RPS6KB1: variants seen among roughly 807,000 people sequenced by gnomAD.
The protein encoded by RPS6KB1 is ribosomal protein S6 kinase beta-1.
Under a neutral mutation model 70.2 loss-of-function variants are expected in RPS6KB1, and 12 were observed. The observed-to-expected ratio is 0.17, with a 90% CI of 0.11 to 0.28. The LOEUF is 0.28. Ranked by LOEUF, RPS6KB1 falls within the 10% of genes least tolerant of loss-of-function variation. The probability of loss-of-function intolerance (pLI) is 1.00; values close to 1 mark genes in which losing one functional copy is unlikely to be tolerated. For missense variants in RPS6KB1, 270 were observed against 646.6 expected, an observed-to-expected ratio of 0.42 and a Z score of 6.32; for synonymous variants, 175 against 211.2, an observed-to-expected ratio of 0.83 and a Z score of 1.49.
chr17:59,912,831 T>A (rs373723226), intron 3 of RPS6KB1, 27 bp downstream of exon 3: 136 of 1,611,908 alleles, frequency 8.4e-5, no homozygotes, highest in Non-Finnish European at 1.1e-4. Flanking sequence ...AAATGAGAGC[T>A]GTTGTCTGTC....
intron 2 of RPS6KB1, among the ~76,000 whole-genome samples, chr17:59,911,353 T>C (rs2042621073): frequency 6.6e-6 from 1 of 151,898 alleles, no homozygotes; most frequent in Non-Finnish European, 1.5e-5. Flanking sequence ...GCTACCCCTT[T>C]TGGATTCTTT....
intron 12 of RPS6KB1, 93 bp from the exon 13 acceptor site, chr17:59,940,743 C>G (rs2044528336): frequency 4.5e-6 from 3 of 667,522 alleles, no homozygotes; most frequent in Non-Finnish European, 7.5e-6. Context: ...TTATAGTTAA[C>G]CCCCGTGAAA....
At chr17:59,908,737 G>C (rs1200910236) in intron 1 of RPS6KB1, among the ~76,000 whole-genome samples, 1 of 133,280 alleles carries the variant, frequency 7.5e-6, no homozygotes, top group East Asian at 2.3e-4. Context: ...TCCTGCCTCA[G>C]CCTCCCGAGT....
intron 1 of RPS6KB1, among the ~76,000 whole-genome samples, chr17:59,902,005 C>A (rs1288712939): frequency 7.3e-6 from 1 of 137,566 alleles, no homozygotes; most frequent in Non-Finnish European, 1.5e-5. Flanking sequence ...GAATGAGAAC[C>A]TGTCTCTAAA....
At chr17:59,940,076 C>T (rs1164119825) in intron 12 of RPS6KB1, among the ~76,000 whole-genome samples, 1 of 152,028 alleles carries the variant, frequency 6.6e-6, no homozygotes. Context: ...GAAACTTTAA[C>T]TGGAGCATCT....
intron 1 of RPS6KB1, among the ~76,000 whole-genome samples, chr17:59,904,321 C>T (rs1013449683): frequency 1.3e-5 from 2 of 151,402 alleles, no homozygotes; most frequent in African/African-American, 2.4e-5. Flanking sequence ...CCTCATGATC[C>T]GCCCTCCTTG....
chr17:59,899,097 G>A (rs1041569346), intron 1 of RPS6KB1, among the ~76,000 whole-genome samples: 6 of 151,696 alleles, frequency 4.0e-5, no homozygotes, highest in African/African-American at 1.5e-4. Context: ...CCAGCTACTC[G>A]GGAGGCTGAG....
chr17:59,900,169 TAAAC>T (rs1272523523), intron 1 of RPS6KB1, among the ~76,000 whole-genome samples: 20 of 57,458 alleles, frequency 3.5e-4, no homozygotes, highest in African/African-American at 1.1e-3. Context: ...ACCTAATTGC[TAAAC>T]ACACACACAC....
At chr17:59,916,566 C>T (rs538060301) in intron 4 of RPS6KB1, among the ~76,000 whole-genome samples, 1 of 152,300 alleles carries the variant, frequency 6.6e-6, no homozygotes, top group African/African-American at 2.4e-5. Context: ...TTTGATCAGG[C>T]TTATAAGATA....
intron 4 of RPS6KB1, among the ~76,000 whole-genome samples, chr17:59,926,168 T>C (rs1290626288): frequency 2.0e-5 from 3 of 152,208 alleles, no homozygotes; most frequent in Non-Finnish European, 2.9e-5. Flanking sequence ...TTTGTGAATA[T>C]ATGAATAAAC....
chr17:59,903,937 G>A (rs555705574), intron 1 of RPS6KB1, among the ~76,000 whole-genome samples: 98 of 152,024 alleles, frequency 6.4e-4, no homozygotes, highest in African/African-American at 2.3e-3. Flanking sequence ...TTAGAGATGA[G>A]ATCTCACTTT....
intron 5 of RPS6KB1, among the ~76,000 whole-genome samples, chr17:59,928,285 C>T (rs1337016860): frequency 4.6e-5 from 7 of 152,058 alleles, no homozygotes; most frequent in Non-Finnish European, 7.4e-5. Flanking sequence ...TACATATATA[C>T]ATGCATGCAT....
chr17:59,909,751 C>G (rs1008041359), intron 1 of RPS6KB1, among the ~76,000 whole-genome samples: 23 of 151,818 alleles, frequency 1.5e-4, no homozygotes, highest in African/African-American at 5.3e-4. Flanking sequence ...TGTTGACTCA[C>G]GCCTGTAATC....
At position 59,949,885 on chromosome 17, in the gene RPS6KB1, AT is replaced by A. The variant is rs1197289130; in HGVS notation, c.*3101del. ...GGATTATATATTTAATATAGGACCT[AT>A]TTTGAATATTCAGTTAATCATATGG... On this transcript the variant is annotated 3_prime_UTR_variant, in exon 15 of 15. Transcript: ENST00000225577. 1 of 152,538 alleles carries A rather than the reference AT, an allele frequency of 6.6e-6. No individual in the cohort carries two copies. The highest frequency in any genetic ancestry group is 1.5e-5 in the Non-Finnish European group (1 of 67,956). The allele number at this position is 152,538 out of a possible 1,614,324, so 9.4% of individuals were successfully genotyped here.
At chr17:59,940,199 A>G (rs1385633533) in intron 12 of RPS6KB1, among the ~76,000 whole-genome samples, 2 of 151,438 alleles carry the variant, frequency 1.3e-5, no homozygotes, top group Non-Finnish European at 2.9e-5. Context: ...CCAGTGGACT[A>G]GGCACACTGA....
intron 1 of RPS6KB1, among the ~76,000 whole-genome samples, chr17:59,901,315 AAT>A (rs1211384569): frequency 1.3e-5 from 2 of 151,154 alleles, no homozygotes; most frequent in African/African-American, 4.9e-5. Context: ...ACGCCCGGCT[AAT>A]GTTTTGTATT....
intron 4 of RPS6KB1, among the ~76,000 whole-genome samples, chr17:59,926,144 T>C (rs1488595972): frequency 1.3e-5 from 2 of 152,192 alleles, no homozygotes; most frequent in African/African-American, 4.8e-5. Flanking sequence ...TGGAGGATGG[T>C]AGACACTCAA....
At chr17:59,922,411 T>A (rs1274027979) in intron 4 of RPS6KB1, among the ~76,000 whole-genome samples, 2 of 152,140 alleles carry the variant, frequency 1.3e-5, no homozygotes, top group African/African-American at 2.4e-5. Context: ...TGTCCTATAA[T>A]AATCTTTACT....
intron 1 of RPS6KB1, among the ~76,000 whole-genome samples, chr17:59,904,421 G>GT (rs60356350): frequency 1 from 151,494 of 151,500 alleles, 75,744 homozygotes; most frequent in Middle Eastern, 1. Flanking sequence ...TTGAGACGGA[G>GT]CTGCCTCTAT....
Sources: gnomAD v4.1 joint callset for allele counts (sites outside exome capture counted in the v4.1 genomes callset) on GRCh38, gnomAD v4.1.1 for gene constraint, MANE v1.5 for transcripts, NCBI Gene and HGNC (gene_info 2026-07-23, HGNC 2026-07-21) for gene names.